NOS1AP: variants seen among roughly 807,000 people sequenced by gnomAD.
NOS1AP encodes nitric oxide synthase 1 adaptor protein.
A neutral mutation model predicts 56.2 loss-of-function variants in NOS1AP; 21 were observed. The ratio of observed to expected loss-of-function variants is 0.37; its 90% CI spans 0.26 to 0.54. The LOEUF (loss-of-function observed/expected upper bound fraction) is 0.54, where lower values mean the gene tolerates loss of function less well. Among genes scored for constraint, NOS1AP ranks in the 20% least tolerant of loss-of-function variants. NOS1AP has a pLI of 0.84. For missense variants in NOS1AP, 522 were observed against 657.8 expected (o/e 0.79, Z 2.26); for synonymous variants, 270 against 274.6 (o/e 0.98, Z 0.17).
At chr1:162,171,565 G>A (rs190351720) in intron 2 of NOS1AP, among the ~76,000 whole-genome samples, 2 of 152,240 alleles carry the variant, frequency 1.3e-5, no homozygotes, top group East Asian at 1.9e-4. Flanking sequence ...CTTCACTCCT[G>A]CTAAAGTTGC....
At chr1:162,183,857 GC>G (rs1651342924) in intron 2 of NOS1AP, among the ~76,000 whole-genome samples, 1 of 152,178 alleles carries the variant, frequency 6.6e-6, no homozygotes, top group African/African-American at 2.4e-5. Flanking sequence ...TTCCATATCA[GC>G]CATAAGGCTG....
intron 6 of NOS1AP, among the ~76,000 whole-genome samples, chr1:162,352,471 G>T (rs920188368): frequency 4.6e-5 from 7 of 151,480 alleles, no homozygotes; most frequent in African/African-American, 1.7e-4. Flanking sequence ...TTATCTTTAG[G>T]CCAGGCCTTT....
At chr1:162,246,098 G>A (rs184718223) in intron 2 of NOS1AP, among the ~76,000 whole-genome samples, 12 of 152,288 alleles carry the variant, frequency 7.9e-5, no homozygotes, top group Middle Eastern at 3.4e-3. Flanking sequence ...AAAAGAAAAC[G>A]TTTCAAGGGA....
chr1:162,119,001 AAG>A (rs1648090673), intron 1 of NOS1AP, among the ~76,000 whole-genome samples: 1 of 152,192 alleles, frequency 6.6e-6, no homozygotes, highest in Non-Finnish European at 1.5e-5. Flanking sequence ...TCCCTATGAT[AAG>A]AGCCACTTGT....
At chr1:162,158,094 A>G (rs997156283) in intron 2 of NOS1AP, among the ~76,000 whole-genome samples, 3 of 152,198 alleles carry the variant, frequency 2.0e-5, no homozygotes, top group African/African-American at 7.2e-5. Context: ...TGTGTCACAG[A>G]TCTCTAGAAC....
intron 2 of NOS1AP, among the ~76,000 whole-genome samples, chr1:162,244,291 T>C (rs1166957986): frequency 6.6e-6 from 1 of 152,144 alleles, no homozygotes; most frequent in Non-Finnish European, 1.5e-5. Context: ...GGGTCAGCAG[T>C]TGATTTTCAT....
chr1:162,210,559 T>G (rs1652317305), intron 2 of NOS1AP, among the ~76,000 whole-genome samples: 1 of 152,186 alleles, frequency 6.6e-6, no homozygotes, highest in South Asian at 2.1e-4. Flanking sequence ...TGTGAAGTCC[T>G]TGCTTTCCAT....
At chr1:162,085,253 T>C (rs1691977182) in intron 1 of NOS1AP, among the ~76,000 whole-genome samples, 1 of 152,082 alleles carries the variant, frequency 6.6e-6, no homozygotes, top group Non-Finnish European at 1.5e-5. Context: ...CAGATTCTTC[T>C]CCTGCTTGTT....
chr1:162,324,697 T>G (rs1224998146), intron 4 of NOS1AP, among the ~76,000 whole-genome samples: 1 of 152,172 alleles, frequency 6.6e-6, no homozygotes, highest in African/African-American at 2.4e-5. Context: ...AAAACCTCAA[T>G]TGGTTGCTTA....
chr1:162,220,797 C>T (rs181156298), intron 2 of NOS1AP, among the ~76,000 whole-genome samples: 2 of 152,230 alleles, frequency 1.3e-5, no homozygotes. Context: ...TTTGCATACG[C>T]TCTTGGAATC....
intron 2 of NOS1AP, among the ~76,000 whole-genome samples, chr1:162,231,796 A>G (rs1653133252): frequency 6.6e-6 from 1 of 152,222 alleles, no homozygotes; most frequent in African/African-American, 2.4e-5. Context: ...GTGGCCACAT[A>G]TGGAGCATTA....
chr1:162,150,792 A>G (rs1187978118), intron 1 of NOS1AP, among the ~76,000 whole-genome samples: 1 of 152,140 alleles, frequency 6.6e-6, no homozygotes, highest in African/African-American at 2.4e-5. Context: ...TTTCACCCAT[A>G]TTTAAATCAG....
At position 162,120,434 on chromosome 1, in the gene NOS1AP, G is replaced by T. The variant is rs376698478; in HGVS notation, c.106-33971G>T. 3.9e-5 allele frequency among the ~76,000 whole-genome samples: 6 copies of T among 152,288 alleles called. No homozygotes were observed. In the East Asian group the frequency reaches 5.8e-4, roughly 15 times the overall value. ...GGTGAAGGAAATGAGGAGAGAATTT[G>T]TATTAGTCCATTTTCACTCTGCTGA... On this transcript the variant is annotated intron_variant, in intron 1 of 9. Coordinates refer to ENST00000361897, the MANE Select transcript of NOS1AP (RefSeq NM_014697.3).
intron 2 of NOS1AP, among the ~76,000 whole-genome samples, chr1:162,238,241 T>A (rs868430428): frequency 2.0e-5 from 3 of 151,958 alleles, no homozygotes; most frequent in Non-Finnish European, 4.4e-5. Flanking sequence ...AAGAGAAAGG[T>A]GTCTCTTCCT....
At chr1:162,209,236 A>G (rs1448631753) in intron 2 of NOS1AP, among the ~76,000 whole-genome samples, 1 of 152,198 alleles carries the variant, frequency 6.6e-6, no homozygotes, top group South Asian at 2.1e-4. Context: ...GTGCCCCTTC[A>G]GGGATGGGCA....
intron 2 of NOS1AP, among the ~76,000 whole-genome samples, chr1:162,264,166 A>G (rs1422319652): frequency 2.0e-5 from 3 of 152,022 alleles, no homozygotes; most frequent in Non-Finnish European, 4.4e-5. Context: ...AAACGTGTCC[A>G]TTGGTTTCTT....
intron 2 of NOS1AP, among the ~76,000 whole-genome samples, chr1:162,250,421 A>G (rs962822695): frequency 1.3e-5 from 2 of 152,210 alleles, no homozygotes; most frequent in African/African-American, 4.8e-5. Flanking sequence ...TGTTTTAGCC[A>G]ACATTTGGAA....
At chr1:162,156,908 G>A (rs1006251465) in intron 2 of NOS1AP, among the ~76,000 whole-genome samples, 3 of 152,118 alleles carry the variant, frequency 2.0e-5, no homozygotes, top group Admixed American at 1.3e-4. Context: ...ATTCAGGACC[G>A]TGCTGGCCCA....
chr1:162,225,762 G>A (rs1241711431), intron 2 of NOS1AP, among the ~76,000 whole-genome samples: 1 of 152,132 alleles, frequency 6.6e-6, no homozygotes, highest in Non-Finnish European at 1.5e-5. Flanking sequence ...GGCTTGTGAA[G>A]TCCTCCCATG....
Sources: gnomAD v4.1 joint callset for allele counts (sites outside exome capture counted in the v4.1 genomes callset) on GRCh38, gnomAD v4.1.1 for gene constraint, MANE v1.5 for transcripts, NCBI Gene and HGNC (gene_info 2026-07-23, HGNC 2026-07-21) for gene names.